Variants in GLI3 observed in about 807,000 individuals in gnomAD.
GLI3 encodes GLI family zinc finger 3.
A neutral mutation model predicts 100.8 loss-of-function variants in GLI3; 20 were observed. The observed-to-expected ratio is 0.20, with a 90% CI of 0.14 to 0.29. The LOEUF is 0.29. Among genes scored for constraint, GLI3 ranks in the 10% least tolerant of loss-of-function variants. The pLI is 1.00. For synonymous variants in GLI3, 938 were observed against 860.5 expected, an observed-to-expected ratio of 1.09 and a Z score of -1.58; for missense variants, 2,040 against 2,128.5, an observed-to-expected ratio of 0.96 and a Z score of 0.82.
chr7:42,067,746 G>A (rs752412770), intron 4 of GLI3, among the ~76,000 whole-genome samples: 2 of 152,098 alleles, frequency 1.3e-5, no homozygotes, highest in Non-Finnish European at 2.9e-5. Flanking sequence ...TCCAGGCAAT[G>A]AGGGACCCTG....
chr7:42,218,193 A>G (rs534902063), intron 2 of GLI3, among the ~76,000 whole-genome samples: 1 of 152,156 alleles, frequency 6.6e-6, no homozygotes, highest in Admixed American at 6.5e-5. Flanking sequence ...AAAGGGTTGG[A>G]CCTCTATAGA....
At chr7:42,050,944 G>A (rs2128743408) in intron 4 of GLI3, among the ~76,000 whole-genome samples, 1 of 152,268 alleles carries the variant, frequency 6.6e-6, no homozygotes. Flanking sequence ...AGGCTAGGGT[G>A]GTCATCAATC....
chr7:42,147,108 G>GT (rs1406476644), intron 3 of GLI3, among the ~76,000 whole-genome samples: 1 of 152,146 alleles, frequency 6.6e-6, no homozygotes, highest in South Asian at 2.1e-4. Context: ...ATATAATCTG[G>GT]TTGGGGGGGA....
chr7:42,112,486 C>T (rs938092056), intron 3 of GLI3, among the ~76,000 whole-genome samples: 14 of 151,884 alleles, frequency 9.2e-5, no homozygotes, highest in African/African-American at 3.4e-4. Context: ...TTAGAATGTT[C>T]CTAACACAAA....
At chr7:41,993,331 C>T (rs73688614) in intron 10 of GLI3, among the ~76,000 whole-genome samples, 3 of 152,074 alleles carry the variant, frequency 2.0e-5, no homozygotes, top group Non-Finnish European at 2.9e-5. Flanking sequence ...GGTCACTGAG[C>T]GAGGATAACT....
chr7:42,211,249 A>C (rs1268957523), intron 2 of GLI3, among the ~76,000 whole-genome samples: 1 of 152,198 alleles, frequency 6.6e-6, no homozygotes, highest in African/African-American at 2.4e-5. Flanking sequence ...CATGTTTTCT[A>C]TAAATCAAAA....
At chr7:42,263,561 C>A (rs1208813713) in intron 1 of GLI3, among the ~76,000 whole-genome samples, 1 of 152,018 alleles carries the variant, frequency 6.6e-6, no homozygotes, top group African/African-American at 2.4e-5. Context: ...ATTCTCCTGC[C>A]CCAGCCTCTG....
intron 5 of GLI3, among the ~76,000 whole-genome samples, chr7:42,045,749 A>G (rs1784232917): frequency 6.6e-6 from 1 of 152,238 alleles, no homozygotes; most frequent in African/African-American, 2.4e-5. Flanking sequence ...AGTGAAATGC[A>G]TTACTAAGTT....
chr7:42,131,103 G>C (rs1430490298), intron 3 of GLI3, among the ~76,000 whole-genome samples: 1 of 152,190 alleles, frequency 6.6e-6, no homozygotes, highest in Non-Finnish European at 1.5e-5. Flanking sequence ...CTGTTGTTGG[G>C]AAGTTACTTG....
intron 7 of GLI3, among the ~76,000 whole-genome samples, chr7:42,029,486 G>T (rs1209335126): frequency 6.6e-6 from 1 of 152,178 alleles, no homozygotes; most frequent in Non-Finnish European, 1.5e-5. Flanking sequence ...TCTTGGGCAA[G>T]ATCAAGGTAT....
At chr7:42,188,767 T>C (rs750649178) in intron 2 of GLI3, among the ~76,000 whole-genome samples, 93 of 152,284 alleles carry the variant, frequency 6.1e-4, no homozygotes, top group Non-Finnish European at 1.1e-3. Flanking sequence ...TGATTCCAAA[T>C]ATATGGCACT....
rs1562655023 is a variant in GLI3 at position 41,962,058 on chromosome 7, C to T, written c.*2272G>A. 1 of 152,090 alleles carries T rather than the reference C, an allele frequency of 6.6e-6. No individual in the cohort carries two copies. Among genetic ancestry groups the T allele is most frequent in the Non-Finnish European group, 1.5e-5 (1 of 68,038 alleles). 9.4% of individuals were successfully genotyped at this position (152,090 alleles called of 1,614,324 possible). On this transcript the variant is annotated 3_prime_UTR_variant, in exon 15 of 15. Transcript: ENST00000395925. Reference sequence around the variant, plus strand: ...AAAGAGCAGAAGCACAAGACAACAACAGTGGTGGGCCGGATCACTGTGCAT... The same window carrying T: ...AAAGAGCAGAAGCACAAGACAACAATAGTGGTGGGCCGGATCACTGTGCAT...
chr7:42,092,082 A>G (rs1486805850), intron 3 of GLI3, among the ~76,000 whole-genome samples: 1 of 152,204 alleles, frequency 6.6e-6, no homozygotes, highest in East Asian at 1.9e-4. Context: ...TTGCACAAAT[A>G]CTTCACACAT....
At chr7:42,066,104 G>A (rs941471167) in intron 4 of GLI3, among the ~76,000 whole-genome samples, 5 of 152,270 alleles carry the variant, frequency 3.3e-5, no homozygotes, top group African/African-American at 9.6e-5. Context: ...GCAGAAAAGC[G>A]TTGTCAGAGC....
At chr7:42,046,994 A>G (rs1344927304) in intron 5 of GLI3, among the ~76,000 whole-genome samples, 1 of 152,118 alleles carries the variant, frequency 6.6e-6, no homozygotes, top group Non-Finnish European at 1.5e-5. Context: ...TGTCTCTACA[A>G]AAAATATAAA....
In GLI3 at chr7:41,979,316, A is replaced by C; in HGVS notation, c.1498-568T>G. ...TTAATCAGACTGCTTCCTGAATAAG[A>C]ATTGCAGAGAAAAGAATTATACTGA... On this transcript the variant is annotated intron_variant, in intron 10 of 14. Coordinates refer to ENST00000395925, the MANE Select transcript of GLI3 (RefSeq NM_000168.6). Among the ~76,000 whole-genome samples, 2 of 152,232 alleles carry C rather than the reference A, an allele frequency of 1.3e-5. 1 individual carries two copies. The highest frequency in any genetic ancestry group is 2.9e-5 in the Non-Finnish European group (2 of 68,040).
intron 10 of GLI3, among the ~76,000 whole-genome samples, chr7:42,015,141 T>C (rs761111963): frequency 3.1e-4 from 47 of 152,330 alleles, no homozygotes; most frequent in Non-Finnish European, 5.4e-4. Flanking sequence ...ATCTCCACTT[T>C]ACAGATGAGA....
intron 7 of GLI3, among the ~76,000 whole-genome samples, chr7:42,027,347 TA>T (rs1308571027): frequency 6.6e-6 from 1 of 152,090 alleles, no homozygotes; most frequent in African/African-American, 2.4e-5. Context: ...AATTTCTTTT[TA>T]AAAAAATAAT....
intron 3 of GLI3, among the ~76,000 whole-genome samples, chr7:42,100,637 G>A (rs1785440705): frequency 6.6e-6 from 1 of 152,086 alleles, no homozygotes; most frequent in Non-Finnish European, 1.5e-5. Context: ...ACCTACTTGG[G>A]AGGCTGAGGT....
Sources: gnomAD v4.1 joint callset for allele counts (sites outside exome capture counted in the v4.1 genomes callset) on GRCh38, gnomAD v4.1.1 for gene constraint, MANE v1.5 for transcripts, NCBI Gene and HGNC (gene_info 2026-07-23, HGNC 2026-07-21) for gene names.